LTBP1: variants seen among roughly 807,000 people sequenced by gnomAD.
LTBP1 encodes latent-transforming growth factor beta-binding protein 1.
A neutral mutation model predicts 207.6 loss-of-function variants in LTBP1; 129 were observed. The ratio of observed to expected loss-of-function variants is 0.62; its 90% CI spans 0.54 to 0.72. The LOEUF (loss-of-function observed/expected upper bound fraction) is 0.72, where lower values mean the gene tolerates loss of function less well. Ranked by LOEUF, LTBP1 falls within the 30% of genes least tolerant of loss-of-function variation. LTBP1 has a pLI of 0.00. For missense variants in LTBP1, 2,281 were observed against 2,217.2 expected (o/e 1.03, Z -0.58); for synonymous variants, 963 against 833.7 (o/e 1.16, Z -2.67).
Position 33,052,740 on chromosome 2 carries a change from G to A in LTBP1, c.863+31534G>A, listed in dbSNP as rs564419526. Among the ~76,000 whole-genome samples the A allele has an allele frequency of 5.9e-5, 9 of 152,206 alleles. No homozygotes were observed. The East Asian group carries it at 1.4e-3, about 23-fold the overall frequency. The stretch of plus-strand genomic sequence containing the variant: ...TTTTCACCCTTGTATTTATTTAATC[G>A]TTTAGTTGTAGTACCTTAGCCTCAT... On this transcript the variant is annotated intron_variant, in intron 3 of 33. Transcript: ENST00000404816.
chr2:32,997,253 G>A (rs566774038), intron 2 of LTBP1, among the ~76,000 whole-genome samples: 2 of 151,982 alleles, frequency 1.3e-5, no homozygotes, highest in South Asian at 4.2e-4. Context: ...GCTCACTTCT[G>A]TAATCTCACC....
chr2:33,111,355 G>A (rs773479493), intron 4 of LTBP1, among the ~76,000 whole-genome samples: 3 of 152,174 alleles, frequency 2.0e-5, no homozygotes, highest in Admixed American at 6.5e-5. Flanking sequence ...GTATTACAGA[G>A]TGTCTGCCGG....
chr2:33,360,879 G>A (rs1189127875), intron 27 of LTBP1, 100 bp downstream of exon 27: 29 of 1,024,098 alleles, frequency 2.8e-5, no homozygotes, highest in African/African-American at 4.8e-5. Context: ...AACTCAAGGC[G>A]ACTTACCTTA....
intron 5 of LTBP1, among the ~76,000 whole-genome samples, chr2:33,167,660 G>C (rs2085049102): frequency 6.6e-6 from 1 of 152,222 alleles, no homozygotes; most frequent in African/African-American, 2.4e-5. Flanking sequence ...GGTGTGGGTG[G>C]AAGTAGTAAG....
intron 5 of LTBP1, among the ~76,000 whole-genome samples, chr2:33,147,055 T>G (rs1405339922): frequency 6.6e-6 from 1 of 152,212 alleles, no homozygotes; most frequent in African/African-American, 2.4e-5. Flanking sequence ...ATATAATTAG[T>G]AACTCAGAAA....
At chr2:33,294,575 ATTTTT>A (rs1181582118) in intron 20 of LTBP1, among the ~76,000 whole-genome samples, 1 of 124,876 alleles carries the variant, frequency 8.0e-6, no homozygotes. Flanking sequence ...ATTGGGTAAA[ATTTTT>A]TTTTTTTTTT....
intron 2 of LTBP1, among the ~76,000 whole-genome samples, chr2:32,953,964 G>T (rs1429517218): frequency 6.6e-6 from 1 of 152,172 alleles, no homozygotes; most frequent in Non-Finnish European, 1.5e-5. Flanking sequence ...CAGCAGAGAG[G>T]AGCTGCCGAT....
intron 31 of LTBP1, among the ~76,000 whole-genome samples, chr2:33,385,030 A>G (rs1014856532): frequency 1.3e-5 from 2 of 152,214 alleles, no homozygotes; most frequent in African/African-American, 4.8e-5. Flanking sequence ...TATGTAAGAC[A>G]TTTCTGATTT....
chr2:33,175,289 A>G (rs1439125633), intron 5 of LTBP1, among the ~76,000 whole-genome samples: 1 of 151,952 alleles, frequency 6.6e-6, no homozygotes, highest in Non-Finnish European at 1.5e-5. Context: ...AGAATCTACA[A>G]TGAACTCAAA....
chr2:32,969,167 C>T (rs1680451126), intron 2 of LTBP1, among the ~76,000 whole-genome samples: 1 of 150,758 alleles, frequency 6.6e-6, no homozygotes, highest in Non-Finnish European at 1.5e-5. Flanking sequence ...CTCAAGTGAT[C>T]CACCTGCATC....
chr2:33,257,694 A>G (rs78008343), intron 12 of LTBP1, among the ~76,000 whole-genome samples, 183 bp downstream of exon 12: 2,222 of 152,342 alleles, frequency 0.015, 22 homozygotes, highest in East Asian at 0.025. Context: ...CTGCTATAGA[A>G]TAATATGTAC....
chr2:33,182,733 CACAGACATAT>C (rs1480882610), intron 5 of LTBP1, among the ~76,000 whole-genome samples: 937 of 90,908 alleles, frequency 0.01, 122 homozygotes, highest in Middle Eastern at 0.077. Flanking sequence ...CACACACACA[CACAGACATAT>C]ATATGTATGT....
intron 9 of LTBP1, among the ~76,000 whole-genome samples, chr2:33,234,734 A>G (rs550909923): frequency 8.5e-5 from 13 of 152,306 alleles, no homozygotes; most frequent in Admixed American, 7.8e-4. Flanking sequence ...TAAATTTCAT[A>G]TGGAACCAAA....
At chr2:33,124,874 G>C (rs531096970) in intron 4 of LTBP1, among the ~76,000 whole-genome samples, 1 of 152,206 alleles carries the variant, frequency 6.6e-6, no homozygotes, top group Non-Finnish European at 1.5e-5. Flanking sequence ...GTTTTTAGGC[G>C]CTCTGGATTT....
chr2:33,271,836 TATA>T lies in LTBP1; in HGVS notation c.2618-1817_2618-1815del, dbSNP rs1329156727. ...TAATGATTATATGCTGTGCTGTATGTATAATTCATTGTTTTGTGTTATTATTGC... is the reference window on the plus strand; with the variant it reads ...TAATGATTATATGCTGTGCTGTATGTATTCATTGTTTTGTGTTATTATTGC... On this transcript the variant is annotated intron_variant, in intron 15 of 33. Transcript: ENST00000404816. 3.9e-5 allele frequency among the ~76,000 whole-genome samples: 6 copies of T among 152,230 alleles called. No individual in the cohort carries two copies. In the East Asian group the frequency reaches 9.6e-4, roughly 24 times the overall value.
intron 5 of LTBP1, among the ~76,000 whole-genome samples, chr2:33,184,010 C>T (rs183696279): frequency 6.6e-6 from 1 of 152,278 alleles, no homozygotes; most frequent in African/African-American, 2.4e-5. Context: ...CCTTGGCCTG[C>T]TCTTTTCCTC....
At position 33,263,423 on chromosome 2, in the gene LTBP1, C is replaced by T. The variant is rs560072231; in HGVS notation, c.2617+31C>T. On this transcript the variant is annotated intron_variant, in intron 15 of 33. Transcript: ENST00000404816. ...TGCAGTATTTTTACATTATATATCA[C>T]ATGGAGGAGACGTGGGGCTGAGCTT... is the stretch of plus-strand genomic sequence containing the variant. 82 of 1,500,096 alleles carry T rather than the reference C, an allele frequency of 5.5e-5. No homozygotes were observed. The East Asian group carries it at 1.7e-3, about 31-fold the overall frequency. 92.9% of individuals were successfully genotyped at this position (1,500,096 alleles called of 1,614,324 possible). A position where few individuals can be genotyped will look rare whatever the true frequency, so the allele number is the denominator to read the frequency against.
At chr2:33,382,074 C>A in intron 31 of LTBP1, among the ~76,000 whole-genome samples, 1 of 46,784 alleles carries the variant, frequency 2.1e-5, no homozygotes, top group South Asian at 1.1e-3. Flanking sequence ...CCTACTGCTT[C>A]TTTTTTTTTT....
intron 24 of LTBP1, among the ~76,000 whole-genome samples, chr2:33,328,258 C>G (rs2094453759): frequency 2.6e-5 from 4 of 152,036 alleles, no homozygotes; most frequent in Admixed American, 2.6e-4. Flanking sequence ...GTAACCAGCC[C>G]CCTGAACCTC....
Sources: gnomAD v4.1 joint callset for allele counts (sites outside exome capture counted in the v4.1 genomes callset) on GRCh38, gnomAD v4.1.1 for gene constraint, MANE v1.5 for transcripts, NCBI Gene and HGNC (gene_info 2026-07-23, HGNC 2026-07-21) for gene names.